The following PHF21B variants were observed in gnomAD, a reference collection of about 807,000 sequenced individuals.
PHF21B encodes the protein PHD finger protein 4.
Under a neutral mutation model 62.2 loss-of-function variants are expected in PHF21B, and 22 were observed. The observed-to-expected ratio is 0.35, with a 90% CI of 0.25 to 0.51. The LOEUF is 0.51. Among genes scored for constraint, PHF21B ranks in the 20% least tolerant of loss-of-function variants. The probability of loss-of-function intolerance (pLI) is 0.97; values close to 1 mark genes in which losing one functional copy is unlikely to be tolerated. For missense variants in PHF21B, 701 were observed against 707.9 expected, an observed-to-expected ratio of 0.99 and a Z score of 0.11; for synonymous variants, 341 against 314.7, an observed-to-expected ratio of 1.08 and a Z score of -0.88.
At chr22:44,886,281 A>T (rs2070856137) in intron 10 of PHF21B, among the ~76,000 whole-genome samples, 1 of 151,342 alleles carries the variant, frequency 6.6e-6, no homozygotes, top group Non-Finnish European at 1.5e-5. Flanking sequence ...ACAAATGGAG[A>T]GACTCGATGT....
At chr22:44,910,435 G>A (rs1836037894) in intron 5 of PHF21B, among the ~76,000 whole-genome samples, 1 of 152,170 alleles carries the variant, frequency 6.6e-6, no homozygotes, top group South Asian at 2.1e-4. Flanking sequence ...GTTTGGTTGT[G>A]TCCCCATCCA....
intron 6 of PHF21B, among the ~76,000 whole-genome samples, chr22:44,895,739 G>A (rs913446475): frequency 1.3e-5 from 2 of 152,206 alleles, no homozygotes; most frequent in South Asian, 2.1e-4. Context: ...AGTGGGTATT[G>A]TGCATAGTCA....
chr22:44,940,861 C>T (rs933238401), intron 2 of PHF21B, among the ~76,000 whole-genome samples: 1 of 152,162 alleles, frequency 6.6e-6, no homozygotes, highest in Admixed American at 6.5e-5. Context: ...GCCAACACCC[C>T]CTTCTTCATG....
At chr22:44,941,554 C>T (rs1038386115) in intron 2 of PHF21B, among the ~76,000 whole-genome samples, 7 of 152,334 alleles carry the variant, frequency 4.6e-5, no homozygotes, top group Admixed American at 3.9e-4. Flanking sequence ...CCAGCTGGAT[C>T]GCTTTGTTCC....
chr22:44,920,809 C>T (rs1214088995), intron 2 of PHF21B, among the ~76,000 whole-genome samples: 1 of 152,140 alleles, frequency 6.6e-6, no homozygotes, highest in Non-Finnish European at 1.5e-5. Context: ...CACTTAAGGA[C>T]AAGGTGTGAT....
At chr22:44,893,876 T>C (rs888779560) in intron 6 of PHF21B, among the ~76,000 whole-genome samples, 2 of 152,204 alleles carry the variant, frequency 1.3e-5, no homozygotes, top group African/African-American at 4.8e-5. Context: ...TACCCACAGG[T>C]TGGGTGATAC....
intron 3 of PHF21B, among the ~76,000 whole-genome samples, chr22:44,917,875 A>C (rs9614980): frequency 0.35 from 52,490 of 151,990 alleles, 10,404 homozygotes; most frequent in Non-Finnish European, 0.44. Flanking sequence ...TCAGCTCCTC[A>C]CCAGTGCCTG....
At chr22:44,946,658 G>T (rs1166228336) in intron 2 of PHF21B, among the ~76,000 whole-genome samples, 1 of 152,084 alleles carries the variant, frequency 6.6e-6, no homozygotes, top group African/African-American at 2.4e-5. Flanking sequence ...TGGACGGTGC[G>T]TGGGTAGAAT....
In PHF21B at chr22:44,935,215, G is replaced by C. The variant is rs79170891; in HGVS notation, c.121-14725C>G. Among the ~76,000 whole-genome samples, 689 of 152,234 alleles carry C rather than the reference G, an allele frequency of 4.5e-3. 7 individuals carry two copies. Among genetic ancestry groups the C allele is most frequent in the African/African-American group, 0.016 (644 of 41,534 alleles). On this transcript the variant is annotated intron_variant, in intron 2 of 12. Transcript: ENST00000313237. The stretch of plus-strand genomic sequence containing the variant: ...AGCAAACCCCAGTCCTGCCACCTAA[G>C]GGTTATGAGACCCTGAACAAGTTAC...
chr22:44,930,669 C>A (rs771103814), intron 2 of PHF21B, among the ~76,000 whole-genome samples: 9 of 152,220 alleles, frequency 5.9e-5, no homozygotes, highest in Non-Finnish European at 1.0e-4. Flanking sequence ...GAGGGGCCTG[C>A]CACCAGGGGC....
At chr22:44,951,743 G>A (rs1051138435) in intron 2 of PHF21B, among the ~76,000 whole-genome samples, 4 of 152,186 alleles carry the variant, frequency 2.6e-5, no homozygotes, top group Non-Finnish European at 4.4e-5. Context: ...GGCTAATGCT[G>A]AACACCTTTT....
At chr22:44,988,799 A>C (rs907512061) in intron 2 of PHF21B, among the ~76,000 whole-genome samples, 1 of 152,196 alleles carries the variant, frequency 6.6e-6, no homozygotes, top group Non-Finnish European at 1.5e-5. Flanking sequence ...CCAAAAGATT[A>C]GACTGGGTAA....
At chr22:44,963,031 T>C (rs562000585) in intron 2 of PHF21B, among the ~76,000 whole-genome samples, 9 of 152,330 alleles carry the variant, frequency 5.9e-5, no homozygotes, top group African/African-American at 1.4e-4. Flanking sequence ...TGGGCAGACA[T>C]TGCCATCTGG....
chr22:45,001,290 ACAAT>A (rs919680203), intron 2 of PHF21B: 5 of 152,368 alleles, frequency 3.3e-5, no homozygotes, highest in Non-Finnish European at 5.9e-5. Flanking sequence ...GATTATCCTG[ACAAT>A]CAAATAAAAA....
At chr22:44,923,466 G>C (rs1246047988) in intron 2 of PHF21B, among the ~76,000 whole-genome samples, 3 of 151,966 alleles carry the variant, frequency 2.0e-5, no homozygotes, top group African/African-American at 7.3e-5. Flanking sequence ...AAGAATCTTA[G>C]ATACAACACC....
At chr22:44,985,904 GAGCACCACCATCACCATC>G (rs2072937359) in intron 2 of PHF21B, among the ~76,000 whole-genome samples, 1 of 125,086 alleles carries the variant, frequency 8.0e-6, no homozygotes, top group Admixed American at 7.9e-5. Context: ...CCATCACCAT[GAGCACCACCATCACCATC>G]AGCACCACCA....
intron 2 of PHF21B, among the ~76,000 whole-genome samples, chr22:45,007,102 G>A (rs1275605357): frequency 6.6e-6 from 1 of 151,542 alleles, no homozygotes; most frequent in Non-Finnish European, 1.5e-5. Flanking sequence ...GCGGCCGGGG[G>A]CGGGGGGGCC....
intron 2 of PHF21B, among the ~76,000 whole-genome samples, chr22:44,979,788 A>G (rs1026261569): frequency 6.6e-6 from 1 of 152,146 alleles, no homozygotes; most frequent in African/African-American, 2.4e-5. Flanking sequence ...TTGACATAAT[A>G]TAAAAGTAAC....
rs1330015983 is a variant in PHF21B, at chr22:44,882,963, CTCTGTCTGGTT to C, written c.*112_*122del. The C allele has an allele frequency of 2.1e-3, 2,528 of 1,214,486 alleles. 41 individuals carry two copies. In the East Asian group the frequency reaches 0.04, roughly 19 times the overall value. 75.2% of individuals were successfully genotyped at this position (1,214,486 alleles called of 1,614,324 possible). The stretch of plus-strand genomic sequence containing the variant: ...CGCCCAGCTCTTCCTCCCTCCTCTC[CTCTGTCTGGTT>C]AATTTTTGTCTGAAATTCATAGTGT... On this transcript the variant is annotated 3_prime_UTR_variant, in exon 13 of 13. Coordinates refer to ENST00000313237, the MANE Select transcript of PHF21B (RefSeq NM_138415.5).
Sources: gnomAD v4.1 joint callset for allele counts (sites outside exome capture counted in the v4.1 genomes callset) on GRCh38, gnomAD v4.1.1 for gene constraint, MANE v1.5 for transcripts, NCBI Gene and HGNC (gene_info 2026-07-23, HGNC 2026-07-21) for gene names.